HDAC8: variants seen among roughly 807,000 people sequenced by gnomAD.
HDAC8 encodes the protein histone deacetylase 8.
A neutral mutation model predicts 32.2 loss-of-function variants in HDAC8; 1 was observed. That is an observed-to-expected ratio of 0.03 (90% confidence interval 0.01 to 0.15). The LOEUF (loss-of-function observed/expected upper bound fraction) is 0.15. HDAC8 is among the 10% of genes least tolerant of loss of function. HDAC8 has a pLI of 1.00. For missense variants in HDAC8, 117 were observed against 300.0 expected, an observed-to-expected ratio of 0.39 and a Z score of 4.51; for synonymous variants, 108 against 113.9, an observed-to-expected ratio of 0.95 and a Z score of 0.33.
In HDAC8 at chrX:72,514,544, T is replaced by C. The variant is rs782528076; in HGVS notation, c.438-19276A>G. 2.7e-5 allele frequency among the ~76,000 whole-genome samples: 3 copies of C among 112,369 alleles called. No individual in the cohort carries two copies. The Admixed American group carries it at 2.8e-4, about 11-fold the overall frequency. On this transcript the variant is annotated intron_variant, in intron 4 of 10. Transcript: ENST00000373573. ...AATAAAATTTTATGTGGAATCCCAATACATAAAACAAACAAAATCAGCTTT... is the reference window on the plus strand; with the variant it reads ...AATAAAATTTTATGTGGAATCCCAACACATAAAACAAACAAAATCAGCTTT...
intron 9 of HDAC8, among the ~76,000 whole-genome samples, chrX:72,378,025 T>C (rs1171185313): frequency 9.0e-6 from 1 of 110,582 alleles, no homozygotes; most frequent in Non-Finnish European, 1.9e-5. Flanking sequence ...TGTGTGTATA[T>C]ATATGTATAT....
chrX:72,472,123 A>G (rs2048200544), intron 7 of HDAC8, among the ~76,000 whole-genome samples: 1 of 104,411 alleles, frequency 9.6e-6, no homozygotes, highest in African/African-American at 3.5e-5. Context: ...GCTGGAGTGC[A>G]GTGGCGGGAT....
chrX:72,551,116 A>AT (rs2051056903), intron 4 of HDAC8, among the ~76,000 whole-genome samples: 4 of 109,439 alleles, frequency 3.7e-5, no homozygotes, highest in Non-Finnish European at 7.6e-5. Flanking sequence ...CACACACAAA[A>AT]CTGATGAGGA....
At chrX:72,431,739 A>G (rs1204995694) in intron 9 of HDAC8, among the ~76,000 whole-genome samples, 2 of 111,654 alleles carry the variant, frequency 1.8e-5, no homozygotes, top group African/African-American at 6.5e-5. Flanking sequence ...AGCTTATTGG[A>G]ACTCTTAGGT....
chrX:72,479,212 G>A lies in HDAC8; in HGVS notation c.737+9721C>T, dbSNP rs782437487. Among the ~76,000 whole-genome samples, 20 of 111,923 alleles carry A rather than the reference G, an allele frequency of 1.8e-4. No individual in the cohort carries two copies. In the East Asian group the frequency reaches 5.3e-3, roughly 30 times the overall value. ...AAGCCATAACATGTCGAAGCAAAAC[G>A]TAAACAGTAGTTTTTCTAGGCTACA... On this transcript the variant is annotated intron_variant, in intron 7 of 10. Transcript: ENST00000373573.
At chrX:72,562,423 C>T (rs2051600999) in intron 4 of HDAC8, among the ~76,000 whole-genome samples, 2 of 111,983 alleles carry the variant, frequency 1.8e-5, no homozygotes, top group African/African-American at 6.5e-5. Context: ...AGTGAAGTAA[C>T]TCAGGAATGG....
intron 4 of HDAC8, among the ~76,000 whole-genome samples, chrX:72,546,409 T>C (rs1556055249): frequency 1.8e-5 from 2 of 110,796 alleles, no homozygotes; most frequent in East Asian, 5.7e-4. Flanking sequence ...ATGTTAGAGA[T>C]GTGGGTCTTA....
At chrX:72,438,094 T>C (rs1219869206) in intron 9 of HDAC8, among the ~76,000 whole-genome samples, 9 of 111,823 alleles carry the variant, frequency 8.0e-5, no homozygotes, top group Admixed American at 5.7e-4. Flanking sequence ...ACAGGAGAAC[T>C]CCGGCTGGCA....
chrX:72,417,029 T>C (rs1555972024), intron 9 of HDAC8, among the ~76,000 whole-genome samples: 1 of 111,487 alleles, frequency 9.0e-6, no homozygotes, highest in Non-Finnish European at 1.9e-5. Flanking sequence ...ACATAAACTC[T>C]ACTACTGTGA....
chrX:72,399,956 A>C (rs782153000), intron 9 of HDAC8, among the ~76,000 whole-genome samples: 1 of 111,939 alleles, frequency 8.9e-6, no homozygotes, highest in Admixed American at 9.4e-5. Context: ...CCATGACTAC[A>C]CTGTTGCTAA....
chrX:72,439,330 A>T (rs781887273), intron 9 of HDAC8, among the ~76,000 whole-genome samples: 1 of 111,667 alleles, frequency 9.0e-6, no homozygotes, highest in Non-Finnish European at 1.9e-5. Context: ...ATATGGAAAG[A>T]AAAAACCAGT....
chrX:72,558,076 T>C (rs1181904036), intron 4 of HDAC8, among the ~76,000 whole-genome samples: 1 of 111,483 alleles, frequency 9.0e-6, no homozygotes, highest in African/African-American at 3.3e-5. Context: ...AGCAGCGAGA[T>C]TGAAATGGTA....
intron 9 of HDAC8, among the ~76,000 whole-genome samples, chrX:72,386,316 C>G (rs782129156): frequency 4.5e-5 from 5 of 111,572 alleles, no homozygotes; most frequent in Admixed American, 9.5e-5. Context: ...AATTCCAAAT[C>G]TTGTTTATGA....
chrX:72,366,805 T>G (rs1041916963), intron 9 of HDAC8, among the ~76,000 whole-genome samples: 7 of 111,128 alleles, frequency 6.3e-5, no homozygotes, highest in African/African-American at 1.6e-4. Context: ...GCGGCTCTAG[T>G]GACATCATGA....
intron 9 of HDAC8, among the ~76,000 whole-genome samples, chrX:72,408,370 T>C (rs942519961): frequency 1.8e-5 from 2 of 110,499 alleles, no homozygotes; most frequent in South Asian, 3.9e-4. Context: ...GGTTAGGGAG[T>C]TACTTATGTG....
intron 9 of HDAC8, among the ~76,000 whole-genome samples, chrX:72,414,545 C>T (rs1373478538): frequency 1.8e-5 from 2 of 112,308 alleles, no homozygotes; most frequent in African/African-American, 6.5e-5. Context: ...AGGATCAGAA[C>T]GTACTTGAAG....
chrX:72,329,575 C>A lies in HDAC8; in HGVS notation c.*479G>T, dbSNP rs781860013. On this transcript the variant is annotated 3_prime_UTR_variant, in exon 11 of 11. Coordinates refer to ENST00000373573, the MANE Select transcript of HDAC8 (RefSeq NM_018486.3). ...ATATATAACACTAAAACAACACCAG[C>A]GGACTTCTCCCCACCTCCCAGTCTG... is the stretch of plus-strand genomic sequence containing the variant. The A allele has an allele frequency of 1.1e-6, 1 of 898,959 alleles. No homozygotes were observed. 74.1% of individuals were successfully genotyped at this position (898,959 alleles called of 1,213,427 possible). A position where few individuals can be genotyped will look rare whatever the true frequency, so the allele number is the denominator to read the frequency against.
At chrX:72,491,379 C>T (rs1398917123) in intron 5 of HDAC8, among the ~76,000 whole-genome samples, 1 of 112,084 alleles carries the variant, frequency 8.9e-6, no homozygotes, top group Non-Finnish European at 1.9e-5. Context: ...AAACTGGAAC[C>T]ATCTTACAAG....
chrX:72,532,554 C>A (rs1453560464), intron 4 of HDAC8, among the ~76,000 whole-genome samples: 1 of 102,814 alleles, frequency 9.7e-6, no homozygotes, highest in African/African-American at 3.6e-5. Flanking sequence ...TATCATAGCA[C>A]GCTGTAACCT....
Sources: gnomAD v4.1 joint callset for allele counts (sites outside exome capture counted in the v4.1 genomes callset) on GRCh38, gnomAD v4.1.1 for gene constraint, MANE v1.5 for transcripts, NCBI Gene and HGNC (gene_info 2026-07-23, HGNC 2026-07-21) for gene names.